Variants in BCKDHA observed in about 807,000 individuals in gnomAD.
The protein encoded by BCKDHA is 2-oxoisovalerate dehydrogenase subunit alpha, mitochondrial.
A neutral mutation model predicts 52.2 loss-of-function variants in BCKDHA; 43 were observed. The ratio of observed to expected loss-of-function variants is 0.82; its 90% CI spans 0.64 to 1.06. BCKDHA has a LOEUF of 1.06. Among genes scored for constraint, BCKDHA ranks in the 50% least tolerant of loss-of-function variants. The pLI, the probability that BCKDHA is intolerant of heterozygous loss-of-function variation, is 0.00. For synonymous variants in BCKDHA, 234 were observed against 247.9 expected (o/e 0.94, Z 0.53); for missense variants, 527 against 621.3 (o/e 0.85, Z 1.61).
chr19:41,413,528 C>T (rs573482114), intron 3 of BCKDHA, among the ~76,000 whole-genome samples: 27 of 152,318 alleles, frequency 1.8e-4, no homozygotes, highest in East Asian at 7.7e-4. Context: ...GCCTTGATGA[C>T]TCCATCCATT....
At chr19:41,421,317 CAG>C (rs1243232180) in intron 5 of BCKDHA, among the ~76,000 whole-genome samples, 6 of 152,096 alleles carry the variant, frequency 3.9e-5, no homozygotes, top group African/African-American at 1.4e-4. Flanking sequence ...CGGACAGTAA[CAG>C]AGATGGAGAG....
At chr19:41,418,375 C>G (rs930157078) in intron 4 of BCKDHA, among the ~76,000 whole-genome samples, 2 of 152,132 alleles carry the variant, frequency 1.3e-5, no homozygotes, top group Admixed American at 6.5e-5. Context: ...GGAGGAAGGG[C>G]CCCCTTAACC....
chr19:41,408,386 G>A (rs1416019827), intron 1 of BCKDHA, among the ~76,000 whole-genome samples: 5 of 151,912 alleles, frequency 3.3e-5, no homozygotes, highest in Non-Finnish European at 7.4e-5. Context: ...CGAGGAGTTA[G>A]TAGGCTTGTG....
chr19:41,422,993 T>C lies in BCKDHA; in HGVS notation c.996-5T>C. The C allele has an allele frequency of 6.2e-7, 1 of 1,608,444 alleles. No homozygotes were observed. The highest frequency in any genetic ancestry group is 8.5e-7 in the Non-Finnish European group (1 of 1,177,594). ...ACTGACCTGGGGCCCCTTGCCCCTG[T>C]GCAGGATCGGGCACCACAGCACCAG... On this transcript the variant is annotated splice_polypyrimidine_tract_variant and splice_region_variant and intron_variant, in intron 7 of 8. Transcript: ENST00000269980.
intron 1 of BCKDHA, among the ~76,000 whole-genome samples, chr19:41,401,313 C>T (rs2039136493): frequency 2.0e-5 from 3 of 151,974 alleles, no homozygotes; most frequent in South Asian, 4.1e-4. Flanking sequence ...CGACCTCAGG[C>T]GACCCACCCA....
intron 5 of BCKDHA, 79 bp from the exon 6 acceptor site, chr19:41,422,085 C>G: frequency 7.1e-7 from 1 of 1,399,406 alleles, no homozygotes; most frequent in South Asian, 1.2e-5. Flanking sequence ...CACGCTTGAG[C>G]CGTGGGTCAT....
chr19:41,423,072 A>AG lies in BCKDHA; in HGVS notation c.1072dup (p.Asp358GlyfsTer19). 3 of 1,592,056 alleles carry AG rather than the reference A, an allele frequency of 1.9e-6. No homozygotes were observed. Among genetic ancestry groups the AG allele is most frequent in the Non-Finnish European group, 2.6e-6 (3 of 1,169,188 alleles). ...GATGAGGTCAATTACTGGGATAAAC[A>AG]GGACCACCCCATCTCCCGGCTGCGG... On this transcript the variant is annotated frameshift_variant, in exon 8 of 9. Coordinates refer to ENST00000269980, the MANE Select transcript of BCKDHA (RefSeq NM_000709.4). LOFTEE classifies it high-confidence loss of function.
chr19:41,410,383 A>G (rs1236426129), intron 1 of BCKDHA, among the ~76,000 whole-genome samples: 2 of 152,212 alleles, frequency 1.3e-5, no homozygotes, highest in African/African-American at 4.8e-5. Flanking sequence ...CAACAGTCCT[A>G]TGGGATAGGT....
intron 1 of BCKDHA, among the ~76,000 whole-genome samples, chr19:41,406,381 T>C (rs1208777356): frequency 6.6e-6 from 1 of 152,086 alleles, no homozygotes; most frequent in African/African-American, 2.4e-5. Flanking sequence ...CTCTGGAGTA[T>C]CTGCTGGGGC....
intron 1 of BCKDHA, among the ~76,000 whole-genome samples, chr19:41,407,090 A>G (rs1452442040): frequency 2.0e-5 from 3 of 152,036 alleles, no homozygotes; most frequent in East Asian, 1.9e-4. Context: ...TCTTTTCCCT[A>G]TCTCATACAG....
chr19:41,406,146 G>A (rs896151032), intron 1 of BCKDHA, among the ~76,000 whole-genome samples: 4 of 152,106 alleles, frequency 2.6e-5, no homozygotes, highest in Admixed American at 6.6e-5. Flanking sequence ...ATCTCCACCA[G>A]CCCAGCAAAG....
At chr19:41,418,711 T>C (rs1298928016) in intron 4 of BCKDHA, 2 of 446,206 alleles carry the variant, frequency 4.5e-6, no homozygotes, top group Non-Finnish European at 8.9e-6. Context: ...TTTGATTTTT[T>C]TTTTTTTTTG....
At position 41,416,969 on chromosome 19, in the gene BCKDHA, C is replaced by T. The variant is rs992712813; in HGVS notation, c.485-2166C>T. Among the ~76,000 whole-genome samples, 8 of 152,112 alleles carry T rather than the reference C, an allele frequency of 5.3e-5. No homozygotes were observed. The East Asian group carries it at 1.5e-3, about 29-fold the overall frequency. On this transcript the variant is annotated intron_variant, in intron 4 of 8. Coordinates refer to ENST00000269980, the MANE Select transcript of BCKDHA (RefSeq NM_000709.4). ...TGTGTCAAGCAAGAGCAGCAGTTCC[C>T]ACTGGACCTGGAGTTTCCTGGTGCA...
chr19:41,400,450 G>A (rs1286197696), intron 1 of BCKDHA: 1 of 151,928 alleles, frequency 6.6e-6, no homozygotes, highest in Non-Finnish European at 1.5e-5. Context: ...ATGTTGACCA[G>A]GCTGGTCTTG....
chr19:41,423,286 A>T, intron 8 of BCKDHA, 117 bp downstream of exon 8: 1 of 1,479,934 alleles, frequency 6.8e-7, no homozygotes, highest in Non-Finnish European at 9.0e-7. Context: ...GATGTCTCAG[A>T]TGTGGCCTGT....
chr19:41,414,531 G>C (rs2039288884), intron 4 of BCKDHA, among the ~76,000 whole-genome samples: 1 of 152,188 alleles, frequency 6.6e-6, no homozygotes, highest in Non-Finnish European at 1.5e-5. Context: ...GGTGTGGCCT[G>C]TGCAGGAGAC....
intron 4 of BCKDHA, among the ~76,000 whole-genome samples, chr19:41,416,611 T>C (rs1315505338): frequency 6.6e-6 from 1 of 151,840 alleles, no homozygotes; most frequent in Non-Finnish European, 1.5e-5. Context: ...TGGCGCCCGG[T>C]GAAAAGGAGT....
chr19:41,423,042 C>T lies in BCKDHA; in HGVS notation c.1040C>T (p.Ser347Leu), dbSNP rs139556493. ...AGTGACGACAGTTCAGCGTACCGCT[C>T]GGTGGATGAGGTCAATTACTGGGAT... ...STSDDSSAYR[S>L]VDEVNYWDKQ... The change falls in exon 8 of 9, where the codon TCG becomes TTG. Residue 347 changes from serine to leucine, a missense_variant. By Grantham distance (145) the Ser-to-Leu change is moderately radical. Transcript: ENST00000269980. 1.2e-5 allele frequency: 20 copies of T among 1,605,422 alleles called. No individual in the cohort carries two copies. The highest frequency in any genetic ancestry group is 3.4e-5 in the Admixed American group (2 of 58,728).
intron 1 of BCKDHA, among the ~76,000 whole-genome samples, chr19:41,401,775 C>G (rs973470034): frequency 3.3e-5 from 5 of 152,166 alleles, no homozygotes; most frequent in African/African-American, 1.2e-4. Context: ...AGTCCCTACC[C>G]TGTTGGAAGT....
Sources: allele counts gnomAD v4.1 joint callset (sites outside exome capture counted in the v4.1 genomes callset), GRCh38; gene constraint gnomAD v4.1.1; transcripts MANE v1.5; gene names NCBI Gene and HGNC (gene_info 2026-07-23, HGNC 2026-07-21).